The following ANKRD36 variants were observed in gnomAD, a reference collection of about 807,000 sequenced individuals.
The protein encoded by ANKRD36 is ankyrin repeat domain-containing protein 36A.
A neutral mutation model predicts 278.1 loss-of-function variants in ANKRD36; 179 were observed. The ratio of observed to expected loss-of-function variants is 0.64; its 90% CI spans 0.57 to 0.73. The LOEUF (loss-of-function observed/expected upper bound fraction) is 0.73. Ranked by LOEUF, ANKRD36 falls within the 30% of genes least tolerant of loss-of-function variation. The pLI is 0.00. For synonymous variants in ANKRD36, 320 were observed against 641.1 expected, an observed-to-expected ratio of 0.50 and a Z score of 7.57; for missense variants, 1,159 against 1,956.7, an observed-to-expected ratio of 0.59 and a Z score of 7.69.
intron 29 of ANKRD36, 36 bp from the exon 30 acceptor site, chr2:97,185,398 ATACT>A: frequency 6.2e-7 from 1 of 1,608,342 alleles, no homozygotes; most frequent in South Asian, 1.1e-5. Flanking sequence ...TCCATGAAAC[ATACT>A]TTCTTTATTG....
At chr2:97,184,784 A>G (rs1247601306) in intron 28 of ANKRD36, among the ~76,000 whole-genome samples, 2 of 151,804 alleles carry the variant, frequency 1.3e-5, no homozygotes, top group African/African-American at 4.8e-5. Context: ...TTCACCAACC[A>G]TATATCCAAG....
chr2:97,233,636 C>G (rs1274546093), intron 67 of ANKRD36, 94 bp from the exon 68 acceptor site: 1 of 1,558,836 alleles, frequency 6.4e-7, no homozygotes, highest in East Asian at 2.4e-5. Flanking sequence ...TGTTTGTGCT[C>G]ATAGAAACAG....
intron 56 of ANKRD36, among the ~76,000 whole-genome samples, chr2:97,210,583 A>C (rs1351888748): frequency 6.6e-6 from 1 of 151,844 alleles, no homozygotes; most frequent in African/African-American, 2.4e-5. Context: ...TATAAAAATG[A>C]GATAATCTTG....
intron 22 of ANKRD36, among the ~76,000 whole-genome samples, chr2:97,173,868 GTTTTTTGGTT>G (rs1467286405): frequency 6.6e-6 from 1 of 150,418 alleles, no homozygotes; most frequent in Non-Finnish European, 1.5e-5. Context: ...TCAGATTTTT[GTTTTTTGGTT>G]TTTTTTTGAA....
intron 66 of ANKRD36, among the ~76,000 whole-genome samples, chr2:97,222,258 G>A (rs2067964481): frequency 1.3e-5 from 2 of 151,994 alleles, no homozygotes; most frequent in African/African-American, 4.8e-5. Context: ...ACTTGGCGAT[G>A]CGGGCTCTTT....
chr2:97,195,413 TATA>T (rs1359546705), intron 40 of ANKRD36, among the ~76,000 whole-genome samples: 4 of 152,078 alleles, frequency 2.6e-5, no homozygotes, highest in Non-Finnish European at 4.4e-5. Flanking sequence ...AAGTCATTTA[TATA>T]ATTTTGGGGT....
chr2:97,135,447 G>A (rs2041241914), intron 6 of ANKRD36, among the ~76,000 whole-genome samples: 1 of 152,032 alleles, frequency 6.6e-6, no homozygotes. Context: ...TAAAAGTTAT[G>A]TGAATGTGAG....
intron 44 of ANKRD36, among the ~76,000 whole-genome samples, chr2:97,199,984 C>T (rs1441241797): frequency 6.6e-6 from 1 of 151,886 alleles, no homozygotes; most frequent in Non-Finnish European, 1.5e-5. Context: ...TCATGTAGCA[C>T]CTGTTTTGAC....
rs1459046337 is a variant in ANKRD36 at position 97,217,152 on chromosome 2, A to G, written c.3674-25A>G. The G allele has an allele frequency of 3.9e-6, 6 of 1,538,266 alleles. No individual in the cohort carries two copies. The Admixed American group carries it at 1.2e-4, about 30-fold the overall frequency. On this transcript the variant is annotated intron_variant, in intron 62 of 75. Transcript: ENST00000420699. ...ACTTTGTCATATTTACATATGATGAATTATATATTTCTTTTACTTTTCAGT... is the reference window on the plus strand; with the variant it reads ...ACTTTGTCATATTTACATATGATGAGTTATATATTTCTTTTACTTTTCAGT...
intron 6 of ANKRD36, among the ~76,000 whole-genome samples, chr2:97,137,954 G>T (rs1010855378): frequency 3.9e-5 from 6 of 151,966 alleles, no homozygotes; most frequent in African/African-American, 1.4e-4. Context: ...TGATGAGATC[G>T]TTTGTTTTCT....
intron 50 of ANKRD36, among the ~76,000 whole-genome samples, chr2:97,205,739 A>G (rs2062670054): frequency 6.6e-6 from 1 of 151,432 alleles, no homozygotes; most frequent in South Asian, 2.1e-4. Flanking sequence ...TTGAAATTGT[A>G]AGGGTATATT....
chr2:97,231,001 T>A (rs1181119515), intron 67 of ANKRD36, among the ~76,000 whole-genome samples: 1 of 151,954 alleles, frequency 6.6e-6, no homozygotes, highest in Non-Finnish European at 1.5e-5. Context: ...CCTCTGGGAG[T>A]TTTGTCTCAG....
rs2063671924 is a variant in ANKRD36 at position 97,209,143 on chromosome 2, G to T, written c.3266-538G>T. Among the ~76,000 whole-genome samples, 3 of 146,616 alleles carry T rather than the reference G, an allele frequency of 2.0e-5. 1 individual carries two copies. Among genetic ancestry groups the T allele is most frequent in the African/African-American group, 7.9e-5 (3 of 37,740 alleles). ...ATTATCTACTAGGTATCAGCAAACA[G>T]ATATCCAAGGTGATCAATTCAGGAC... On this transcript the variant is annotated intron_variant, in intron 54 of 75. Coordinates refer to ENST00000420699, the MANE Select transcript of ANKRD36 (RefSeq NM_001354587.1).
intron 67 of ANKRD36, among the ~76,000 whole-genome samples, chr2:97,232,469 T>C (rs2153677900): frequency 7.7e-6 from 1 of 130,554 alleles, no homozygotes; most frequent in Non-Finnish European, 1.5e-5. Flanking sequence ...TTTGTGAAAA[T>C]TACAAAACTG....
intron 46 of ANKRD36, 68 bp from the exon 47 acceptor site, chr2:97,202,134 T>G (rs1327465826): frequency 1.3e-6 from 2 of 1,598,784 alleles, no homozygotes; most frequent in Non-Finnish European, 1.7e-6. Flanking sequence ...ATTCTAACAG[T>G]GCTCGAATGT....
chr2:97,157,131 C>CTCTCTCTA (rs70938513), intron 15 of ANKRD36, among the ~76,000 whole-genome samples: 2 of 143,518 alleles, frequency 1.4e-5, no homozygotes, highest in Non-Finnish European at 3.0e-5. Flanking sequence ...TTTTTTTTTC[C>CTCTCTCTA]TCTCTCTCTC....
At chr2:97,183,320 C>G in intron 26 of ANKRD36, 139 bp from the exon 27 acceptor site, 4 of 1,175,132 alleles carry the variant, frequency 3.4e-6, no homozygotes, top group Non-Finnish European at 4.6e-6. Context: ...GTTCCCGTCC[C>G]AAAGACACAA....
At chr2:97,192,738 C>T in intron 36 of ANKRD36, 120 bp from the exon 37 acceptor site, 1 of 1,352,900 alleles carries the variant, frequency 7.4e-7, no homozygotes, top group Non-Finnish European at 1.0e-6. Flanking sequence ...AAAGTAGAAG[C>T]CATCAAAGCC....
intron 6 of ANKRD36, among the ~76,000 whole-genome samples, chr2:97,131,955 A>G (rs991278719): frequency 2.6e-4 from 39 of 151,754 alleles, no homozygotes; most frequent in South Asian, 8.4e-4. Context: ...CAGCCTCCCA[A>G]GTAGCTGGGA....
Sources: allele counts gnomAD v4.1 joint callset (sites outside exome capture counted in the v4.1 genomes callset), GRCh38; gene constraint gnomAD v4.1.1; transcripts MANE v1.5; gene names NCBI Gene and HGNC (gene_info 2026-07-23, HGNC 2026-07-21).